Variants in MYO9A observed in about 807,000 individuals in gnomAD.
MYO9A encodes unconventional myosin-IXa.
MYO9A carries 103 observed loss-of-function variants against 293.3 expected under a neutral mutation model. That is an observed-to-expected ratio of 0.35 (90% CI 0.30 to 0.41). The LOEUF is 0.41. Among genes scored for constraint, MYO9A ranks in the 10% least tolerant of loss-of-function variants. MYO9A has a pLI of 1.00. For synonymous variants in MYO9A, 1,001 were observed against 1,035.7 expected (o/e 0.97, Z 0.64); for missense variants, 2,685 against 3,033.0 (o/e 0.89, Z 2.69).
intron 39 of MYO9A, among the ~76,000 whole-genome samples, chr15:71,839,327 A>C (rs1381293712): frequency 6.6e-6 from 1 of 152,186 alleles, no homozygotes; most frequent in African/African-American, 2.4e-5. Flanking sequence ...GGGCAGTGAG[A>C]ACCTCTGCCA....
chr15:71,939,329 C>T (rs2929512), intron 15 of MYO9A, among the ~76,000 whole-genome samples: 141,141 of 152,214 alleles, frequency 0.93, 65,764 homozygotes, highest in Non-Finnish European at 0.97. Flanking sequence ...TACTCAATAG[C>T]TATTTTTTCT....
chr15:72,109,989 TAAA>T (rs56010336), intron 1 of MYO9A, among the ~76,000 whole-genome samples: 1 of 140,742 alleles, frequency 7.1e-6, no homozygotes, highest in African/African-American at 2.6e-5. Flanking sequence ...TCCCTTACAT[TAAA>T]AAAAAAAAAA....
At chr15:71,848,556 C>A (rs2055492258) in intron 39 of MYO9A, among the ~76,000 whole-genome samples, 2 of 152,082 alleles carry the variant, frequency 1.3e-5, no homozygotes, top group South Asian at 4.1e-4. Context: ...ATTACGTTTT[C>A]ATAGAAAGGA....
intron 4 of MYO9A, among the ~76,000 whole-genome samples, chr15:72,021,649 T>C (rs2077505339): frequency 1.3e-5 from 2 of 152,152 alleles, no homozygotes; most frequent in African/African-American, 2.4e-5. Flanking sequence ...GAGGCATCCA[T>C]AGAAACTGAG....
At chr15:71,829,372 C>T (rs2054627683) in intron 40 of MYO9A, among the ~76,000 whole-genome samples, 1 of 152,134 alleles carries the variant, frequency 6.6e-6, no homozygotes, top group South Asian at 2.1e-4. Flanking sequence ...ATAAAGATCC[C>T]ATTAAGACTT....
chr15:71,977,954 G>A (rs1460582820), intron 12 of MYO9A, among the ~76,000 whole-genome samples: 3 of 152,182 alleles, frequency 2.0e-5, no homozygotes, highest in African/African-American at 7.2e-5. Flanking sequence ...GGAGAATGGC[G>A]TGAACCCAGG....
intron 26 of MYO9A, chr15:71,888,659 T>C (rs2057089311): frequency 6.6e-6 from 1 of 152,234 alleles, no homozygotes; most frequent in Non-Finnish European, 1.5e-5. Context: ...GCTATCAAAC[T>C]GTGACCTGAT....
chr15:72,055,603 TCAAA>T (rs2078696147), intron 1 of MYO9A, among the ~76,000 whole-genome samples: 1 of 151,716 alleles, frequency 6.6e-6, no homozygotes, highest in Non-Finnish European at 1.5e-5. Flanking sequence ...TACAAGGAAC[TCAAA>T]CAAATTAGCA....
At chr15:71,909,703 C>G (rs1202317300) in intron 19 of MYO9A, among the ~76,000 whole-genome samples, 5 of 152,132 alleles carry the variant, frequency 3.3e-5, no homozygotes, top group Non-Finnish European at 7.4e-5. Context: ...ACTTAAGAGT[C>G]GATATTTCAC....
At chr15:72,116,237 A>G (rs1307386640) in intron 1 of MYO9A, among the ~76,000 whole-genome samples, 1 of 152,172 alleles carries the variant, frequency 6.6e-6, no homozygotes, top group Non-Finnish European at 1.5e-5. Context: ...TTTTACGTCT[A>G]GTTATTATCT....
intron 32 of MYO9A, among the ~76,000 whole-genome samples, chr15:71,873,490 G>A (rs12908659): frequency 0.017 from 2,610 of 151,228 alleles, 37 homozygotes; most frequent in Non-Finnish European, 0.026. Flanking sequence ...TTCCTTTAAC[G>A]TTTTTAAGGT....
chr15:71,883,558 T>C, intron 28 of MYO9A, 36 bp downstream of exon 28: 1 of 1,587,428 alleles, frequency 6.3e-7, no homozygotes, highest in Non-Finnish European at 8.6e-7. Context: ...TGAACAGAAA[T>C]TATGAACACA....
At position 71,960,034 on chromosome 15, in the gene MYO9A, G is replaced by A; in HGVS notation, c.2049C>T (p.Ser683=). The A allele has an allele frequency of 6.2e-7, 1 of 1,613,954 alleles. No individual in the cohort carries two copies. Among genetic ancestry groups the A allele is most frequent in the Non-Finnish European group, 8.5e-7 (1 of 1,179,960 alleles). ...RPDIVALLRS[S]KNAFISGMIG... ...TCATCCCAGAGATAAATGCATTCTT[G>A]CTGCTTCTCAGAAGAGCTACAATGT... is the stretch of plus-strand genomic sequence containing the variant. The change falls in exon 14 of 42, where the codon AGC becomes AGT. Residue 683 remains serine (S), a synonymous_variant. Coordinates refer to ENST00000356056, the MANE Select transcript of MYO9A (RefSeq NM_006901.4).
At chr15:72,102,152 T>A (rs2080373446) in intron 1 of MYO9A, among the ~76,000 whole-genome samples, 1 of 151,494 alleles carries the variant, frequency 6.6e-6, no homozygotes, top group African/African-American at 2.4e-5. Flanking sequence ...TAAGAAAACT[T>A]CTGCCTTGGG....
chr15:72,100,828 G>A (rs1476410033), intron 1 of MYO9A, among the ~76,000 whole-genome samples: 6 of 151,758 alleles, frequency 4.0e-5, no homozygotes, highest in Non-Finnish European at 7.4e-5. Context: ...GGGAAGTGAG[G>A]AGCGTCTCCG....
At chr15:71,867,029 C>G (rs1372506264) in intron 32 of MYO9A, among the ~76,000 whole-genome samples, 2 of 151,730 alleles carry the variant, frequency 1.3e-5, no homozygotes, top group Non-Finnish European at 2.9e-5. Flanking sequence ...TGCACTCCAG[C>G]CTTGGCAACA....
intron 1 of MYO9A, among the ~76,000 whole-genome samples, chr15:72,073,348 T>C (rs2079249987): frequency 6.6e-6 from 1 of 152,144 alleles, no homozygotes; most frequent in Admixed American, 6.6e-5. Flanking sequence ...CCGCCACAAT[T>C]GTCAGGGTCC....
At chr15:72,044,180 GT>G (rs959760237) in intron 2 of MYO9A, among the ~76,000 whole-genome samples, 1 of 152,122 alleles carries the variant, frequency 6.6e-6, no homozygotes, top group Admixed American at 6.5e-5. Context: ...GCCAAGGCAG[GT>G]GGATCACCTG....
chr15:72,045,592 TG>T (rs1386797242), intron 2 of MYO9A, 131 bp downstream of exon 2: 9 of 1,055,150 alleles, frequency 8.5e-6, no homozygotes, highest in Admixed American at 3.0e-5. Context: ...AGCTGGGAGA[TG>T]GAACAGTATC....
Sources: gnomAD v4.1 joint callset for allele counts (sites outside exome capture counted in the v4.1 genomes callset) on GRCh38, gnomAD v4.1.1 for gene constraint, MANE v1.5 for transcripts, NCBI Gene and HGNC (gene_info 2026-07-23, HGNC 2026-07-21) for gene names.